Variants in BBS9 observed in about 807,000 individuals in gnomAD.
BBS9 encodes Bardet-Biedl syndrome 9, also known as protein PTHB1.
BBS9 carries 89 observed loss-of-function variants against 117.7 expected under a neutral mutation model. The observed-to-expected ratio is 0.76, with a 90% CI of 0.64 to 0.90. BBS9 has a LOEUF of 0.90. Among genes scored for constraint, BBS9 ranks in the 40% least tolerant of loss-of-function variants. The pLI is 0.00. For synonymous variants in BBS9, 379 were observed against 370.9 expected (o/e 1.02, Z -0.25); for missense variants, 982 against 1,042.2 (o/e 0.94, Z 0.80).
intron 19 of BBS9, among the ~76,000 whole-genome samples, chr7:33,417,960 G>A (rs1832276004): frequency 6.6e-6 from 1 of 152,152 alleles, no homozygotes; most frequent in Non-Finnish European, 1.5e-5. Flanking sequence ...CTATATTCTG[G>A]TGCAGTGTGC....
At chr7:33,331,255 A>G (rs1266738807) in intron 9 of BBS9, among the ~76,000 whole-genome samples, 2 of 152,190 alleles carry the variant, frequency 1.3e-5, no homozygotes. Context: ...AAATAGGCAT[A>G]GAAGGGGCTT....
chr7:33,517,710 T>G (rs1206432819), intron 20 of BBS9, among the ~76,000 whole-genome samples: 2 of 152,118 alleles, frequency 1.3e-5, no homozygotes, highest in Non-Finnish European at 1.5e-5. Context: ...AGGAAATGAG[T>G]CCAAGGCCAC....
intron 5 of BBS9, among the ~76,000 whole-genome samples, chr7:33,240,878 T>C (rs1375568887): frequency 6.6e-6 from 1 of 152,188 alleles, no homozygotes; most frequent in Non-Finnish European, 1.5e-5. Flanking sequence ...TTCCTTCTTT[T>C]CTTCCATTTA....
chr7:33,132,246 G>C (rs964587943), intron 1 of BBS9, among the ~76,000 whole-genome samples: 1 of 152,178 alleles, frequency 6.6e-6, no homozygotes, highest in Non-Finnish European at 1.5e-5. Context: ...TCTGGGTTTA[G>C]GTACCGCACA....
chr7:33,310,996 A>G (rs1423008458), intron 9 of BBS9, among the ~76,000 whole-genome samples: 1 of 152,220 alleles, frequency 6.6e-6, no homozygotes, highest in Non-Finnish European at 1.5e-5. Flanking sequence ...AGTGAGAAGT[A>G]CTGTGAAGGA....
chr7:33,458,788 G>A (rs1471514494), intron 19 of BBS9, among the ~76,000 whole-genome samples: 2 of 152,102 alleles, frequency 1.3e-5, no homozygotes, highest in Non-Finnish European at 2.9e-5. Flanking sequence ...TTCACACCCC[G>A]AATACATTAT....
intron 9 of BBS9, among the ~76,000 whole-genome samples, chr7:33,302,769 G>A (rs557276689): frequency 6.6e-6 from 1 of 152,146 alleles, no homozygotes; most frequent in African/African-American, 2.4e-5. Flanking sequence ...TGGGTCTTTC[G>A]TGGTTCCATA....
At chr7:33,541,633 TC>T (rs1852318060) in intron 21 of BBS9, among the ~76,000 whole-genome samples, 1 of 152,224 alleles carries the variant, frequency 6.6e-6, no homozygotes, top group African/African-American at 2.4e-5. Context: ...TAACTGAAGT[TC>T]TAGTACATAC....
chr7:33,507,922 G>A lies in BBS9; in HGVS notation c.2298+2277G>A, dbSNP rs192427781. Among the ~76,000 whole-genome samples, 372 of 152,222 alleles carry A rather than the reference G, an allele frequency of 2.4e-3. 1 individual carries two copies. Among genetic ancestry groups the A allele is most frequent in the Admixed American group, 3.9e-3 (59 of 15,286 alleles). ...AGCATCTCTCCTGACTTGTCATGGC[G>A]TTTTTTATTTGCTATTTTATGTTCT... On this transcript the variant is annotated intron_variant, in intron 20 of 22. Transcript: ENST00000242067.
chr7:33,452,077 A>C (rs1446183597), intron 19 of BBS9, among the ~76,000 whole-genome samples: 1 of 151,836 alleles, frequency 6.6e-6, no homozygotes, highest in Non-Finnish European at 1.5e-5. Flanking sequence ...CAAGCAATTC[A>C]CCTGCCTCAG....
intron 5 of BBS9, among the ~76,000 whole-genome samples, chr7:33,251,267 G>A (rs1796174393): frequency 6.6e-6 from 1 of 152,112 alleles, no homozygotes; most frequent in Non-Finnish European, 1.5e-5. Flanking sequence ...TGCTCCTCAC[G>A]CATTACTCAC....
At chr7:33,390,225 A>G (rs1048347808) in intron 19 of BBS9, 57 of 984,734 alleles carry the variant, frequency 5.8e-5, no homozygotes, top group Non-Finnish European at 6.9e-5. Context: ...ATGATGCTGT[A>G]TCTTTTTGTA....
chr7:33,576,472 C>A (rs56005338), intron 21 of BBS9, among the ~76,000 whole-genome samples: 2,850 of 152,174 alleles, frequency 0.019, 88 homozygotes, highest in African/African-American at 0.065. Flanking sequence ...GTGAAAATGG[C>A]CATGCTGACC....
At chr7:33,333,159 C>T (rs1315940152) in intron 9 of BBS9, among the ~76,000 whole-genome samples, 1 of 152,108 alleles carries the variant, frequency 6.6e-6, no homozygotes, top group East Asian at 1.9e-4. Context: ...CACCTGTCAT[C>T]GAGAAGTATA....
At chr7:33,320,760 G>A (rs547077363) in intron 9 of BBS9, among the ~76,000 whole-genome samples, 7 of 151,736 alleles carry the variant, frequency 4.6e-5, no homozygotes, top group Admixed American at 1.3e-4. Flanking sequence ...TTGTTATTGC[G>A]TGACTTTTAG....
intron 1 of BBS9, among the ~76,000 whole-genome samples, chr7:33,145,865 A>G (rs1272513489): frequency 1.3e-5 from 2 of 152,204 alleles, no homozygotes; most frequent in African/African-American, 2.4e-5. Flanking sequence ...AGTCTCGCCA[A>G]TGACTAGACT....
At chr7:33,261,223 G>C (rs1430770392) in intron 6 of BBS9, among the ~76,000 whole-genome samples, 1 of 152,114 alleles carries the variant, frequency 6.6e-6, no homozygotes, top group Non-Finnish European at 1.5e-5. Flanking sequence ...AATTTACATA[G>C]TAGTTTTTCA....
intron 21 of BBS9, among the ~76,000 whole-genome samples, chr7:33,572,340 C>T (rs957873097): frequency 2.6e-5 from 4 of 152,020 alleles, no homozygotes; most frequent in South Asian, 4.1e-4. Flanking sequence ...TTCATTCATT[C>T]GTTGATGGAC....
chr7:33,477,694 G>A (rs185618891), intron 19 of BBS9, among the ~76,000 whole-genome samples: 101 of 152,262 alleles, frequency 6.6e-4, no homozygotes, highest in Admixed American at 1.6e-3. Context: ...TCAGTGTCCT[G>A]AAGCACCACG....
Sources: allele counts gnomAD v4.1 joint callset (sites outside exome capture counted in the v4.1 genomes callset), GRCh38; gene constraint gnomAD v4.1.1; transcripts MANE v1.5; gene names NCBI Gene and HGNC (gene_info 2026-07-23, HGNC 2026-07-21).